Variants in KATNIP observed in about 807,000 individuals in gnomAD.
KATNIP encodes the protein katanin interacting protein.
KATNIP carries 126 observed loss-of-function variants against 174.0 expected under a neutral mutation model. That is an observed-to-expected ratio of 0.72 (90% confidence interval 0.63 to 0.84). KATNIP has a LOEUF of 0.84. Ranked by LOEUF, KATNIP falls within the 40% of genes least tolerant of loss-of-function variation. The probability of loss-of-function intolerance (pLI) is 0.00; values close to 1 mark genes in which losing one functional copy is unlikely to be tolerated. For synonymous variants in KATNIP, 810 were observed against 835.7 expected (o/e 0.97, Z 0.53); for missense variants, 1,958 against 2,109.7 (o/e 0.93, Z 1.41).
chr16:27,736,969 GAGTGAGAA>G (rs1313960537), intron 14 of KATNIP, among the ~76,000 whole-genome samples: 1 of 148,090 alleles, frequency 6.8e-6, no homozygotes, highest in African/African-American at 2.6e-5. Context: ...TACTGGATAT[GAGTGAGAA>G]AGTGAGAGGG....
intron 5 of KATNIP, among the ~76,000 whole-genome samples, chr16:27,642,061 G>C (rs1049019282): frequency 6.6e-6 from 1 of 152,248 alleles, no homozygotes; most frequent in Non-Finnish European, 1.5e-5. Context: ...GGAGGAGCAT[G>C]CTCTCCTGGG....
chr16:27,666,662 G>C (rs879769329), intron 6 of KATNIP, among the ~76,000 whole-genome samples: 1 of 152,096 alleles, frequency 6.6e-6, no homozygotes, highest in South Asian at 2.1e-4. Context: ...AAGTGACTTC[G>C]GCCTGCCAAA....
In KATNIP at chr16:27,595,783, A is replaced by C. The variant is rs563407250; in HGVS notation, c.63+21827A>C. 8.5e-5 allele frequency among the ~76,000 whole-genome samples: 13 copies of C among 152,320 alleles called. No homozygotes were observed. In the South Asian group the frequency reaches 2.5e-3, roughly 29 times the overall value. On this transcript the variant is annotated intron_variant, in intron 2 of 27. Coordinates refer to ENST00000261588, the MANE Select transcript of KATNIP (RefSeq NM_015202.5). ...TAAAGCAGGGAAGAGGGCTGGGGAC[A>C]ACGGAGGAGGGATGTGACATTAAAT...
intron 6 of KATNIP, among the ~76,000 whole-genome samples, chr16:27,669,977 T>C (rs1221231363): frequency 6.6e-6 from 1 of 152,124 alleles, no homozygotes; most frequent in African/African-American, 2.4e-5. Flanking sequence ...CATGAGCCAC[T>C]GCGCCTGGCC....
chr16:27,635,642 T>G (rs1004033018), intron 5 of KATNIP, among the ~76,000 whole-genome samples: 1 of 151,672 alleles, frequency 6.6e-6, no homozygotes, highest in African/African-American at 2.4e-5. Flanking sequence ...GTTCCTGCCT[T>G]TGAAGCTCGG....
intron 6 of KATNIP, among the ~76,000 whole-genome samples, chr16:27,649,539 G>A (rs1461565108): frequency 6.6e-6 from 1 of 152,144 alleles, no homozygotes; most frequent in Non-Finnish European, 1.5e-5. Context: ...TACCCAGGCT[G>A]GAGTGCATTG....
intron 3 of KATNIP, among the ~76,000 whole-genome samples, chr16:27,623,316 C>T (rs1003731500): frequency 6.6e-6 from 1 of 152,208 alleles, no homozygotes; most frequent in Non-Finnish European, 1.5e-5. Flanking sequence ...ATTTCTAAAA[C>T]AGGCCAACAG....
intron 22 of KATNIP, 72 bp downstream of exon 22, chr16:27,771,724 C>T: frequency 6.7e-7 from 1 of 1,496,240 alleles, no homozygotes. Context: ...ACTGCCCAGC[C>T]AGGGTTTCAG....
At chr16:27,754,519 T>C in intron 18 of KATNIP, 1 of 464,450 alleles carries the variant, frequency 2.2e-6, no homozygotes, top group Non-Finnish European at 3.9e-6. Context: ...CCCTATGTGT[T>C]AGCTGTGACC....
intron 3 of KATNIP, among the ~76,000 whole-genome samples, chr16:27,623,883 A>T (rs1054452968): frequency 1.3e-5 from 2 of 152,120 alleles, no homozygotes; most frequent in African/African-American, 4.8e-5. Flanking sequence ...TTTGTGTTCA[A>T]AGGGCCCTTG....
At chr16:27,614,973 G>C (rs905917502) in intron 2 of KATNIP, among the ~76,000 whole-genome samples, 1 of 152,138 alleles carries the variant, frequency 6.6e-6, no homozygotes, top group African/African-American at 2.4e-5. Flanking sequence ...ATGGGAGGGA[G>C]AAAAACCCAA....
intron 1 of KATNIP, among the ~76,000 whole-genome samples, chr16:27,570,676 C>A (rs1297128621): frequency 6.6e-6 from 1 of 152,074 alleles, no homozygotes; most frequent in East Asian, 1.9e-4. Flanking sequence ...CATCTTGGGT[C>A]CCAGTCTACC....
intron 2 of KATNIP, among the ~76,000 whole-genome samples, chr16:27,595,076 A>G (rs2075295230): frequency 6.6e-6 from 1 of 152,294 alleles, no homozygotes; most frequent in South Asian, 2.1e-4. Context: ...GGATTGGGGT[A>G]AGGCCCAGCG....
intron 22 of KATNIP, 45 bp from the exon 23 acceptor site, chr16:27,773,054 G>GA (rs753488265): frequency 0.034 from 30,272 of 901,968 alleles, 1 homozygote; most frequent in South Asian, 0.046. Context: ...ACTATATTCT[G>GA]AAAAAAAAAA....
intron 9 of KATNIP, 118 bp downstream of exon 9, chr16:27,698,618 C>T (rs1429657709): frequency 1.0e-6 from 1 of 994,954 alleles, no homozygotes; most frequent in Non-Finnish European, 1.4e-6. Flanking sequence ...TCGCTGACCC[C>T]AGACTCATCC....
intron 18 of KATNIP, chr16:27,754,718 C>T (rs2081649903): frequency 6.5e-6 from 1 of 154,766 alleles, no homozygotes; most frequent in African/African-American, 2.4e-5. Flanking sequence ...GGCAGGTGCA[C>T]AGGCCCAGGG....
intron 3 of KATNIP, among the ~76,000 whole-genome samples, chr16:27,622,538 T>C (rs552141610): frequency 1.2e-4 from 18 of 151,958 alleles, no homozygotes; most frequent in Admixed American, 4.6e-4. Flanking sequence ...TCTGAAGAGG[T>C]GACAGCAGAG....
intron 1 of KATNIP, among the ~76,000 whole-genome samples, chr16:27,569,700 A>G (rs184532731): frequency 1.4e-4 from 22 of 152,228 alleles, no homozygotes; most frequent in Non-Finnish European, 2.5e-4. Context: ...CTGTCTTCGC[A>G]TCGAGCTAAT....
chr16:27,605,815 ATGTGT>A (rs2075683044), intron 2 of KATNIP, among the ~76,000 whole-genome samples: 1 of 152,076 alleles, frequency 6.6e-6, no homozygotes, highest in Non-Finnish European at 1.5e-5. Context: ...AATATAACTG[ATGTGT>A]TAGCAAATGC....
Sources: gnomAD v4.1 joint callset for allele counts (sites outside exome capture counted in the v4.1 genomes callset) on GRCh38, gnomAD v4.1.1 for gene constraint, MANE v1.5 for transcripts, NCBI Gene and HGNC (gene_info 2026-07-23, HGNC 2026-07-21) for gene names.